The following PCSK5 variants were observed in gnomAD, a reference collection of about 807,000 sequenced individuals.
PCSK5 encodes the protein proprotein convertase subtilisin/kexin type 5, also known as prohormone convertase 5.
PCSK5 carries 129 observed loss-of-function variants against 233.2 expected under a neutral mutation model. The observed-to-expected ratio is 0.55, with a 90% confidence interval of 0.48 to 0.64. The LOEUF (loss-of-function observed/expected upper bound fraction) is 0.64, where lower values mean the gene tolerates loss of function less well. Among genes scored for constraint, PCSK5 ranks in the 30% least tolerant of loss-of-function variants. The pLI is 0.00. For synonymous variants in PCSK5, 825 were observed against 879.2 expected (o/e 0.94, Z 1.09); for missense variants, 2,076 against 2,430.1 (o/e 0.85, Z 3.06).
chr9:76,358,842 A>G lies in PCSK5; in HGVS notation c.5584A>G (p.Lys1862Glu), dbSNP rs1474634234. ...GGGCCAGGATGGCACAGTCTACCGG[A>G]AATTTAAATATGGGCTGCTGGATGA... ...YMGQDGTVYR[K>E]FKYGLLDDDD... Residue 1862 changes from lysine (K) to glutamate (E), a missense_variant, in exon 38 of 38, where the codon AAA becomes GAA. Lys to Glu is a moderately conservative substitution (Grantham distance 56). This residue lies in a region of PCSK5 where 1,510 missense variants were observed against 1,538.1 expected (regional missense o/e 0.98). Coordinates refer to ENST00000674117, the MANE Select transcript of PCSK5 (RefSeq NM_001372043.1). The G allele has an allele frequency of 3.1e-6, 5 of 1,612,750 alleles. No homozygotes were observed. The highest frequency in any genetic ancestry group is 4.2e-6 in the Non-Finnish European group (5 of 1,179,876).
chr9:76,223,629 G>C (rs1049551474), intron 20 of PCSK5, among the ~76,000 whole-genome samples: 1 of 152,166 alleles, frequency 6.6e-6, no homozygotes, highest in Admixed American at 6.6e-5. Context: ...GAAACTAAAG[G>C]GGGAATGGAA....
intron 13 of PCSK5, among the ~76,000 whole-genome samples, chr9:76,172,622 A>T (rs1009023295): frequency 4.6e-5 from 7 of 152,178 alleles, no homozygotes; most frequent in Non-Finnish European, 8.8e-5. Context: ...AATGAACTAA[A>T]TTTTAAGGTG....
intron 24 of PCSK5, among the ~76,000 whole-genome samples, chr9:76,273,754 C>A (rs1161032163): frequency 1.3e-5 from 2 of 150,868 alleles, no homozygotes; most frequent in Non-Finnish European, 3.0e-5. Context: ...TGCCTCAGTC[C>A]CCCAAGTAGC....
At chr9:76,058,100 T>A (rs373038252) in intron 5 of PCSK5, among the ~76,000 whole-genome samples, 1 of 152,128 alleles carries the variant, frequency 6.6e-6, no homozygotes, top group East Asian at 1.9e-4. Context: ...CCTCCCACAT[T>A]GGCCCCAAAA....
At chr9:76,148,785 G>T (rs901399268) in intron 10 of PCSK5, among the ~76,000 whole-genome samples, 1 of 152,102 alleles carries the variant, frequency 6.6e-6, no homozygotes, top group South Asian at 2.1e-4. Flanking sequence ...ATTGCAATAG[G>T]TTCCCTGCCT....
In PCSK5 at chr9:75,990,096, C is replaced by T. The variant is rs142835517; in HGVS notation, c.411+3851C>T. ...AATGAGTCAAAGAAAGGTGAGATCC[C>T]ATGCCCAGTGGGCATTCTTGGGAGT... On this transcript the variant is annotated intron_variant, in intron 3 of 37. Coordinates refer to ENST00000674117, the MANE Select transcript of PCSK5 (RefSeq NM_001372043.1). Among the ~76,000 whole-genome samples the T allele has an allele frequency of 7.8e-4, 119 of 152,256 alleles. 1 individual carries two copies. Among genetic ancestry groups the T allele is most frequent in the African/African-American group, 2.7e-3 (114 of 41,550 alleles).
At chr9:75,968,527 G>A (rs1487283344) in intron 2 of PCSK5, among the ~76,000 whole-genome samples, 1 of 152,312 alleles carries the variant, frequency 6.6e-6, no homozygotes, top group East Asian at 1.9e-4. Context: ...AGTGGTTGTG[G>A]CAGAGATAAA....
chr9:76,316,350 G>A (rs138066205), intron 30 of PCSK5, among the ~76,000 whole-genome samples: 227 of 152,180 alleles, frequency 1.5e-3, no homozygotes, highest in Middle Eastern at 0.01. Flanking sequence ...GAGGTTAGCC[G>A]AAGAGAAAGA....
intron 24 of PCSK5, among the ~76,000 whole-genome samples, chr9:76,279,785 T>C (rs1827811202): frequency 6.6e-6 from 1 of 151,788 alleles, no homozygotes; most frequent in Non-Finnish European, 1.5e-5. Context: ...GTAAATTTGT[T>C]TGAGTTCATT....
At chr9:76,038,877 G>T (rs1828976710) in intron 5 of PCSK5, among the ~76,000 whole-genome samples, 1 of 152,146 alleles carries the variant, frequency 6.6e-6, no homozygotes. Context: ...ACAGCAACTG[G>T]GGTTTAATTC....
rs1247206103 is a variant in PCSK5, at chr9:76,359,196, A to G, written c.*274A>G. 2 of 405,744 alleles carry G rather than the reference A, an allele frequency of 4.9e-6. No homozygotes were observed. The highest frequency in any genetic ancestry group is 9.0e-6 in the Non-Finnish European group (2 of 223,078). The allele number at this position is 405,744 out of a possible 1,614,324, so 25.1% of individuals were successfully genotyped here. On this transcript the variant is annotated 3_prime_UTR_variant, in exon 38 of 38. Coordinates refer to ENST00000674117, the MANE Select transcript of PCSK5 (RefSeq NM_001372043.1). ...CAAAATAATGTGTTAAGACACAAAAATGAAGGAAGTGAAAACAAATGAGAT... is the reference window on the plus strand; with the variant it reads ...CAAAATAATGTGTTAAGACACAAAAGTGAAGGAAGTGAAAACAAATGAGAT...
chr9:76,338,050 C>G (rs1829727801), intron 34 of PCSK5, among the ~76,000 whole-genome samples, 180 bp from the exon 35 acceptor site: 1 of 152,144 alleles, frequency 6.6e-6, no homozygotes, highest in Non-Finnish European at 1.5e-5. Context: ...GCCCAATTTA[C>G]AGGTAAGAAC....
At chr9:76,147,513 T>C (rs1374412634) in intron 10 of PCSK5, among the ~76,000 whole-genome samples, 1 of 152,154 alleles carries the variant, frequency 6.6e-6, no homozygotes, top group Non-Finnish European at 1.5e-5. Flanking sequence ...GGACCAACAA[T>C]ATACCAGCAT....
intron 27 of PCSK5, among the ~76,000 whole-genome samples, chr9:76,297,991 A>G (rs182255932): frequency 3.5e-4 from 54 of 152,336 alleles, no homozygotes; most frequent in Admixed American, 5.9e-4. Context: ...AGATTATTCA[A>G]TCCAGATTGG....
At chr9:75,980,002 G>A (rs2131380480) in intron 2 of PCSK5, among the ~76,000 whole-genome samples, 1 of 152,312 alleles carries the variant, frequency 6.6e-6, no homozygotes, top group South Asian at 2.1e-4. Context: ...GGTCTTGAGG[G>A]TGGAAAGCAC....
In PCSK5 at chr9:76,239,173, T is replaced by C; in HGVS notation, c.3073+8T>C. The C allele has an allele frequency of 6.4e-7, 1 of 1,564,702 alleles. No homozygotes were observed. Among genetic ancestry groups the C allele is most frequent in the Non-Finnish European group, 8.7e-7 (1 of 1,154,810 alleles). ...AGTTAGAGTGTGGACAAGGTAAGCC[T>C]GCTCCTGGGCCCTTGCCCAGCACCC... On this transcript the variant is annotated splice_region_variant and intron_variant, in intron 23 of 37. Transcript: ENST00000674117.
chr9:76,307,501 C>G (rs184353960), intron 28 of PCSK5, among the ~76,000 whole-genome samples: 79 of 152,240 alleles, frequency 5.2e-4, no homozygotes, highest in Non-Finnish European at 5.9e-5. Flanking sequence ...TGAGTGATGT[C>G]TTGAAGCTGT....
At chr9:76,044,942 G>T (rs1282421380) in intron 5 of PCSK5, among the ~76,000 whole-genome samples, 1 of 152,078 alleles carries the variant, frequency 6.6e-6, no homozygotes, top group Non-Finnish European at 1.5e-5. Context: ...GATTTTCATG[G>T]TAGAGTTCCA....
chr9:76,083,339 G>A (rs554058175), intron 7 of PCSK5, among the ~76,000 whole-genome samples: 1 of 151,998 alleles, frequency 6.6e-6, no homozygotes, highest in East Asian at 1.9e-4. Context: ...TAGGAGCATA[G>A]CTTATAGGGT....
Sources: allele counts gnomAD v4.1 joint callset (sites outside exome capture counted in the v4.1 genomes callset), GRCh38; gene constraint gnomAD v4.1.1; regional missense constraint gnomAD v4.1.1; transcripts MANE v1.5; gene names NCBI Gene and HGNC (gene_info 2026-07-23, HGNC 2026-07-21).